The following CAMK4 variants were observed in gnomAD, a reference collection of about 807,000 sequenced individuals.
CAMK4 encodes the protein calcium/calmodulin-dependent protein kinase type IV.
A neutral mutation model predicts 44.9 loss-of-function variants in CAMK4; 22 were observed. That is an observed-to-expected ratio of 0.49 (90% CI 0.35 to 0.70). The LOEUF is 0.70. Among genes scored for constraint, CAMK4 ranks in the 30% least tolerant of loss-of-function variants. The pLI is 0.01. For synonymous variants in CAMK4, 218 were observed against 215.4 expected (o/e 1.01, Z -0.11); for missense variants, 498 against 586.8 (o/e 0.85, Z 1.56).
intron 7 of CAMK4, among the ~76,000 whole-genome samples, chr5:111,472,023 GCTGGGATTACAGGCA>G (rs1755083102): frequency 6.6e-6 from 1 of 152,086 alleles, no homozygotes; most frequent in South Asian, 2.1e-4. Context: ...CTCCCGAGTA[GCTGGGATTACAGGCA>G]CCTACCACCA....
chr5:111,441,084 T>C (rs1213948589), intron 5 of CAMK4, among the ~76,000 whole-genome samples: 2 of 152,200 alleles, frequency 1.3e-5, no homozygotes, highest in African/African-American at 4.8e-5. Context: ...TGATATACTT[T>C]GGGCATATTA....
At chr5:111,355,381 G>A (rs1023294194) in intron 2 of CAMK4, among the ~76,000 whole-genome samples, 2 of 152,014 alleles carry the variant, frequency 1.3e-5, no homozygotes, top group Admixed American at 1.3e-4. Context: ...TACCATTCAA[G>A]AATATACTTG....
intron 1 of CAMK4, among the ~76,000 whole-genome samples, chr5:111,281,786 C>T (rs898341968): frequency 2.6e-5 from 4 of 152,124 alleles, no homozygotes; most frequent in South Asian, 2.1e-4. Context: ...TGGCCGGGCG[C>T]GGTGGCTCAC....
intron 2 of CAMK4, among the ~76,000 whole-genome samples, chr5:111,347,397 C>T (rs890399869): frequency 6.6e-6 from 1 of 152,154 alleles, no homozygotes; most frequent in Non-Finnish European, 1.5e-5. Flanking sequence ...CATCTTGTGA[C>T]TCTAACTTAC....
chr5:111,482,705 G>A lies in CAMK4; in HGVS notation c.829-80G>A. The A allele has an allele frequency of 1.7e-6, 2 of 1,181,568 alleles. No homozygotes were observed. The highest frequency in any genetic ancestry group is 4.6e-5 in the Admixed American group (2 of 43,708). 73.2% of individuals were successfully genotyped at this position (1,181,568 alleles called of 1,614,324 possible). On this transcript the variant is annotated intron_variant, in intron 9 of 10. Coordinates refer to ENST00000282356, the MANE Select transcript of CAMK4 (RefSeq NM_001744.6). The surrounding 1 kb of genome is among the most constrained non-coding windows in gnomAD (Gnocchi z 4.9). Reference sequence around the variant, plus strand: ...GTGGTACTGCTGGGAAATGGAATAAGATCTGGAAGTTTGTAAGCTGAGGGC... The same window carrying A: ...GTGGTACTGCTGGGAAATGGAATAAAATCTGGAAGTTTGTAAGCTGAGGGC...
At chr5:111,414,520 ATTAG>A (rs1752746764) in intron 5 of CAMK4, among the ~76,000 whole-genome samples, 4 of 152,316 alleles carry the variant, frequency 2.6e-5, no homozygotes, top group Non-Finnish European at 5.9e-5. Context: ...CATTACCACT[ATTAG>A]TTAACATAAT....
In CAMK4 at chr5:111,486,032, T is replaced by TA. The variant is rs1457421387; in HGVS notation, c.*1572dup. Reference sequence around the variant, plus strand: ...ATGACTATCACATAAAAATCCTTGTTAAAAAAGAGATCTTAAATTATGTTG... The same window carrying TA: ...ATGACTATCACATAAAAATCCTTGTTAAAAAAAGAGATCTTAAATTATGTTG... On this transcript the variant is annotated 3_prime_UTR_variant, in exon 11 of 11. Coordinates refer to ENST00000282356, the MANE Select transcript of CAMK4 (RefSeq NM_001744.6). The TA allele has an allele frequency of 6.6e-6, 1 of 152,156 alleles. No individual in the cohort carries two copies. Among genetic ancestry groups the TA allele is most frequent in the African/African-American group, 2.4e-5 (1 of 41,454 alleles). The allele number at this position is 152,156 out of a possible 1,614,324, so 9.4% of individuals were successfully genotyped here. A position where few individuals can be genotyped will look rare whatever the true frequency, so the allele number is the denominator to read the frequency against.
intron 7 of CAMK4, among the ~76,000 whole-genome samples, chr5:111,472,945 TCTC>T (rs1023831274): frequency 6.6e-6 from 1 of 152,202 alleles, no homozygotes; most frequent in African/African-American, 2.4e-5. Context: ...GTGACTTTTT[TCTC>T]CCTTGTTATG....
chr5:111,355,554 A>C (rs1391363581), intron 2 of CAMK4, among the ~76,000 whole-genome samples: 1 of 148,922 alleles, frequency 6.7e-6, no homozygotes, highest in Non-Finnish European at 1.5e-5. Flanking sequence ...CACAATGTGC[A>C]GGTTAGTTAC....
chr5:111,307,203 T>C (rs1747963006), intron 1 of CAMK4, among the ~76,000 whole-genome samples: 1 of 31,954 alleles, frequency 3.1e-5, no homozygotes, highest in African/African-American at 1.6e-4. Context: ...GGACTTCATG[T>C]CCGAAACACC....
chr5:111,300,047 C>T (rs1421670667), intron 1 of CAMK4, among the ~76,000 whole-genome samples: 1 of 152,194 alleles, frequency 6.6e-6, no homozygotes, highest in Admixed American at 6.5e-5. Flanking sequence ...TTTCTCTTTG[C>T]ACCTCTTGCC....
chr5:111,253,116 A>G (rs890201874), intron 1 of CAMK4, among the ~76,000 whole-genome samples: 1 of 152,254 alleles, frequency 6.6e-6, no homozygotes, highest in Non-Finnish European at 1.5e-5. Context: ...ACACAGACAC[A>G]TGTACATACA....
chr5:111,407,114 G>A (rs533957592), intron 5 of CAMK4, among the ~76,000 whole-genome samples: 1 of 152,270 alleles, frequency 6.6e-6, no homozygotes, highest in South Asian at 2.1e-4. Context: ...AGCACTTTGG[G>A]AGGTCAAAGC....
intron 1 of CAMK4, among the ~76,000 whole-genome samples, chr5:111,230,080 T>G (rs547770853): frequency 6.6e-6 from 1 of 152,292 alleles, no homozygotes; most frequent in East Asian, 1.9e-4. Context: ...TTGGTCCTGA[T>G]GTCGTAGTGA....
chr5:111,399,989 G>T (rs958985586), intron 5 of CAMK4, among the ~76,000 whole-genome samples: 1 of 152,152 alleles, frequency 6.6e-6, no homozygotes. Context: ...AGAAATAAAA[G>T]AGTCCAAGAA....
At chr5:111,401,522 CTG>C (rs944097293) in intron 5 of CAMK4, among the ~76,000 whole-genome samples, 3 of 62,428 alleles carry the variant, frequency 4.8e-5, no homozygotes, top group African/African-American at 2.1e-4. Flanking sequence ...AATATGGTAT[CTG>C]AGCATCAAAA....
At chr5:111,441,299 T>C (rs925249818) in intron 5 of CAMK4, among the ~76,000 whole-genome samples, 3 of 152,206 alleles carry the variant, frequency 2.0e-5, no homozygotes, top group Non-Finnish European at 4.4e-5. Flanking sequence ...CTCTCTCAAC[T>C]ACTCTGCAGA....
In CAMK4 at chr5:111,285,746, AT is replaced by A. The variant is rs558966593; in HGVS notation, c.162-58276del. On this transcript the variant is annotated intron_variant, in intron 1 of 10. Transcript: ENST00000282356. ...GTTGCTTATGTTCCCTGTCAATGCT[AT>A]TATGGTCCAATGATAAAATTAGTGT... Among the ~76,000 whole-genome samples the A allele has an allele frequency of 4.3e-3, 655 of 152,306 alleles. 6 individuals carry two copies. The highest frequency in any genetic ancestry group is 8.8e-3 in the Admixed American group (134 of 15,296).
intron 5 of CAMK4, among the ~76,000 whole-genome samples, chr5:111,428,554 A>G (rs10039731): frequency 0.34 from 52,388 of 152,122 alleles, 9,825 homozygotes; most frequent in Middle Eastern, 0.49. Flanking sequence ...AATTAGAATC[A>G]GGCAGAAATT....
Sources: allele counts gnomAD v4.1 joint callset (sites outside exome capture counted in the v4.1 genomes callset), GRCh38; gene constraint gnomAD v4.1.1; non-coding constraint Gnocchi (gnomAD v3.1); transcripts MANE v1.5; gene names NCBI Gene and HGNC (gene_info 2026-07-23, HGNC 2026-07-21).